Variants in LIMCH1 observed in about 807,000 individuals in gnomAD.
LIMCH1 encodes the protein LIM and calponin homology domains-containing protein 1.
In LIMCH1, 113 loss-of-function variants were observed where a neutral mutation model predicts 176.5. That is an observed-to-expected ratio of 0.64 (90% CI 0.55 to 0.75). The LOEUF (loss-of-function observed/expected upper bound fraction) is 0.75. LIMCH1 is among the 30% of genes least tolerant of loss of function. LIMCH1 has a pLI of 0.00. For synonymous variants in LIMCH1, 619 were observed against 645.9 expected, an observed-to-expected ratio of 0.96 and a Z score of 0.63; for missense variants, 1,674 against 1,814.9, an observed-to-expected ratio of 0.92 and a Z score of 1.41.
chr4:41,671,933 A>G (rs80306887), intron 22 of LIMCH1, among the ~76,000 whole-genome samples: 10,923 of 150,814 alleles, frequency 0.072, 499 homozygotes, highest in South Asian at 0.14. Context: ...ATTGAGACCC[A>G]AACAATTGAT....
intron 1 of LIMCH1, among the ~76,000 whole-genome samples, chr4:41,467,231 G>A (rs2066287778): frequency 6.6e-6 from 1 of 151,082 alleles, no homozygotes; most frequent in Non-Finnish European, 1.5e-5. Context: ...CATCCATCAA[G>A]GGACATTTGG....
In LIMCH1 at chr4:41,589,606, T is replaced by C. The variant is rs1441452990; in HGVS notation, c.-240-9314T>C. Reference sequence around the variant, plus strand: ...TGCTCTGGTCTGGCTTCCCTGTTGCTGGCTTCCCAGGTTCTCCTCCTGCTT... The same window carrying C: ...TGCTCTGGTCTGGCTTCCCTGTTGCCGGCTTCCCAGGTTCTCCTCCTGCTT... On this transcript the variant is annotated intron_variant, in intron 1 of 31. Coordinates refer to ENST00000503057, the MANE Select transcript of LIMCH1 (RefSeq NM_001330672.2). Among the ~76,000 whole-genome samples the C allele has an allele frequency of 2.0e-5, 3 of 152,294 alleles. No individual in the cohort carries two copies. The East Asian group carries it at 5.8e-4, about 29-fold the overall frequency.
chr4:41,468,679 G>T (rs2066515354), intron 1 of LIMCH1, among the ~76,000 whole-genome samples: 1 of 151,820 alleles, frequency 6.6e-6, no homozygotes, highest in Admixed American at 6.6e-5. Context: ...TTTGGGTAAG[G>T]CATGTAGTCC....
At chr4:41,449,026 A>T (rs969209784) in intron 1 of LIMCH1, among the ~76,000 whole-genome samples, 2 of 152,082 alleles carry the variant, frequency 1.3e-5, no homozygotes, top group Non-Finnish European at 2.9e-5. Context: ...TAGTAAAAAA[A>T]AAAAGCTGGT....
At chr4:41,477,921 CACCTTAATGGTGGA>C (rs2067994659) in intron 1 of LIMCH1, among the ~76,000 whole-genome samples, 2 of 152,118 alleles carry the variant, frequency 1.3e-5, no homozygotes, top group Non-Finnish European at 2.9e-5. Flanking sequence ...TCACAGCTAC[CACCTTAATGGTGGA>C]CTTGAGGAAT....
At chr4:41,388,814 T>C (rs2056841012) in intron 1 of LIMCH1, among the ~76,000 whole-genome samples, 1 of 152,144 alleles carries the variant, frequency 6.6e-6, no homozygotes, top group African/African-American at 2.4e-5. Context: ...AACTAATTTT[T>C]ATATTTTTAA....
chr4:41,413,888 G>A (rs1418717096), intron 1 of LIMCH1, among the ~76,000 whole-genome samples: 1 of 152,156 alleles, frequency 6.6e-6, no homozygotes, highest in Non-Finnish European at 1.5e-5. Flanking sequence ...TGAGGGAGAA[G>A]ATTAATGACT....
chr4:41,547,289 A>G (rs941639353), intron 1 of LIMCH1, among the ~76,000 whole-genome samples: 1 of 152,166 alleles, frequency 6.6e-6, no homozygotes, highest in Non-Finnish European at 1.5e-5. Flanking sequence ...TGCTTTGACT[A>G]ACATGTCACC....
At chr4:41,580,399 G>T (rs1263881816) in intron 1 of LIMCH1, among the ~76,000 whole-genome samples, 1 of 152,006 alleles carries the variant, frequency 6.6e-6, no homozygotes, top group South Asian at 2.1e-4. Flanking sequence ...TTACCCACTT[G>T]CAAATTATGA....
intron 4 of LIMCH1, among the ~76,000 whole-genome samples, chr4:41,607,047 C>T (rs1336457278): frequency 1.3e-5 from 2 of 152,186 alleles, no homozygotes; most frequent in African/African-American, 2.4e-5. Flanking sequence ...GATCCACCCA[C>T]CTTGGCCTCC....
chr4:41,663,099 T>G, intron 20 of LIMCH1, 115 bp downstream of exon 20: 2 of 954,910 alleles, frequency 2.1e-6, no homozygotes, highest in South Asian at 3.4e-5. Context: ...TCTCCTCATC[T>G]TTTTTCCTAT....
At chr4:41,576,243 G>GAATGC (rs1301118349) in intron 1 of LIMCH1, among the ~76,000 whole-genome samples, 1 of 152,098 alleles carries the variant, frequency 6.6e-6, no homozygotes, top group Non-Finnish European at 1.5e-5. Flanking sequence ...TTATGATCAA[G>GAATGC]AATGCTTTAA....
chr4:41,600,969 C>T (rs558895606), intron 2 of LIMCH1, among the ~76,000 whole-genome samples: 1 of 152,258 alleles, frequency 6.6e-6, no homozygotes, highest in South Asian at 2.1e-4. Context: ...TGCCTTCCCT[C>T]CCTTTTTAAT....
chr4:41,454,939 CAT>C (rs34996951), intron 1 of LIMCH1, among the ~76,000 whole-genome samples: 5,469 of 130,524 alleles, frequency 0.042, 134 homozygotes, highest in Middle Eastern at 0.072. Context: ...TGTATGCGTA[CAT>C]GTGTGTGTGT....
intron 1 of LIMCH1, among the ~76,000 whole-genome samples, chr4:41,445,206 A>T (rs1261812000): frequency 6.6e-6 from 1 of 152,014 alleles, no homozygotes; most frequent in East Asian, 1.9e-4. Flanking sequence ...GAGTTTCACC[A>T]TGTTGGCCAG....
chr4:41,599,063 T>C, intron 2 of LIMCH1, 37 bp downstream of exon 2: 1 of 1,275,756 alleles, frequency 7.8e-7, no homozygotes, highest in African/African-American at 1.5e-5. Context: ...GGGAAACTCC[T>C]TTATAGTTTG....
chr4:41,412,432 C>A (rs1001103503), intron 1 of LIMCH1, among the ~76,000 whole-genome samples: 2 of 151,954 alleles, frequency 1.3e-5, no homozygotes, highest in African/African-American at 4.8e-5. Context: ...ATCCCAGTAT[C>A]TACAGAGGTT....
chr4:41,688,769 C>G (rs1285606610), intron 29 of LIMCH1: 1 of 152,262 alleles, frequency 6.6e-6, no homozygotes, highest in African/African-American at 2.4e-5. Context: ...GGTTTGGTTC[C>G]AGTCCATTGC....
chr4:41,504,811 G>A (rs141669207), intron 2 of LIMCH1, among the ~76,000 whole-genome samples: 3 of 152,290 alleles, frequency 2.0e-5, no homozygotes, highest in East Asian at 1.9e-4. Context: ...TTATGAGAGA[G>A]TATAGTGGAA....
Sources: gnomAD v4.1 joint callset for allele counts (sites outside exome capture counted in the v4.1 genomes callset) on GRCh38, gnomAD v4.1.1 for gene constraint, MANE v1.5 for transcripts, NCBI Gene and HGNC (gene_info 2026-07-23, HGNC 2026-07-21) for gene names.